The following LUZP2 variants were observed in gnomAD, a reference collection of about 807,000 sequenced individuals.
LUZP2 encodes the protein leucine zipper protein 2.
Under a neutral mutation model 51.6 loss-of-function variants are expected in LUZP2, and 52 were observed. The ratio of observed to expected loss-of-function variants is 1.01; its 90% CI spans 0.81 to 1.27. The LOEUF is 1.27. Ranked by LOEUF, LUZP2 falls within the 50% of genes most tolerant of loss-of-function variation. LUZP2 has a pLI of 0.00. For synonymous variants in LUZP2, 154 were observed against 137.3 expected (o/e 1.12, Z -0.85); for missense variants, 436 against 395.4 (o/e 1.10, Z -0.87).
chr11:24,503,609 T>A (rs1850066381), intron 1 of LUZP2, among the ~76,000 whole-genome samples: 1 of 152,180 alleles, frequency 6.6e-6, no homozygotes, highest in Non-Finnish European at 1.5e-5. Context: ...AGCCTACGAT[T>A]GGGACACATA....
chr11:24,722,777 C>T (rs982676721), intron 1 of LUZP2, among the ~76,000 whole-genome samples: 6 of 151,580 alleles, frequency 4.0e-5, no homozygotes, highest in Admixed American at 2.6e-4. Flanking sequence ...ATTAGCTGGG[C>T]GTGGGGGTGC....
At chr11:25,041,030 G>C (rs1000930421) in intron 9 of LUZP2, among the ~76,000 whole-genome samples, 2 of 152,004 alleles carry the variant, frequency 1.3e-5, no homozygotes, top group Non-Finnish European at 2.9e-5. Flanking sequence ...CTTCATTTGT[G>C]TCCTTTCTCT....
rs908399809 is a variant in LUZP2, at chr11:24,587,211, C to G, written c.62+89906C>G. 4.2e-4 allele frequency among the ~76,000 whole-genome samples: 64 copies of G among 152,030 alleles called. 1 individual carries two copies. Among genetic ancestry groups the G allele is most frequent in the Non-Finnish European group, 1.9e-4 (13 of 67,992 alleles). ...CAAATGTATTTTATCATAGCTTTGT[C>G]GTTAACAGTATACACAAAATATTTT... On this transcript the variant is annotated intron_variant, in intron 1 of 11. Transcript: ENST00000336930.
intron 10 of LUZP2, among the ~76,000 whole-genome samples, chr11:25,075,011 A>G (rs1038124745): frequency 1.3e-5 from 2 of 152,160 alleles, no homozygotes; most frequent in Non-Finnish European, 2.9e-5. Flanking sequence ...TATGAACAAC[A>G]TTTTTTGAGC....
At chr11:24,882,756 C>T (rs1224924370) in intron 5 of LUZP2, among the ~76,000 whole-genome samples, 2 of 140,000 alleles carry the variant, frequency 1.4e-5, no homozygotes, top group African/African-American at 2.5e-5. Context: ...CTAGGTAACT[C>T]ATTGCTTTTT....
At chr11:24,735,982 C>T (rs958187101) in intron 3 of LUZP2, among the ~76,000 whole-genome samples, 14 of 151,784 alleles carry the variant, frequency 9.2e-5, no homozygotes. Context: ...AAGACATAAG[C>T]CTAGAAAGAA....
chr11:24,940,736 T>A (rs1854723569), intron 7 of LUZP2, among the ~76,000 whole-genome samples: 1 of 152,132 alleles, frequency 6.6e-6, no homozygotes, highest in Admixed American at 6.5e-5. Flanking sequence ...TGCTAACCAA[T>A]TCTTTTGGGT....
chr11:25,062,587 CAAAAAAAAAAAA>C (rs1163708322), intron 10 of LUZP2, among the ~76,000 whole-genome samples: 4,914 of 43,144 alleles, frequency 0.11, 303 homozygotes, highest in African/African-American at 0.24. Flanking sequence ...AAGACCCTGT[CAAAAAAAAAAAA>C]AAAAAAAAAA....
chr11:24,700,025 T>C (rs960526292), intron 1 of LUZP2, among the ~76,000 whole-genome samples: 1 of 151,360 alleles, frequency 6.6e-6, no homozygotes, highest in Non-Finnish European at 1.5e-5. Context: ...GAAAACTCTT[T>C]TTCAGATTAC....
At chr11:24,616,794 C>T (rs72880647) in intron 1 of LUZP2, among the ~76,000 whole-genome samples, 10,487 of 152,066 alleles carry the variant, frequency 0.069, 482 homozygotes, top group Admixed American at 0.13. Flanking sequence ...ACATCTCCTG[C>T]CTTTCCATAT....
intron 9 of LUZP2, among the ~76,000 whole-genome samples, chr11:25,022,963 A>G (rs1031080944): frequency 3.9e-5 from 6 of 152,028 alleles, no homozygotes; most frequent in African/African-American, 1.4e-4. Flanking sequence ...ATTGATTTGC[A>G]TATGTTGAAC....
Position 24,606,259 on chromosome 11 carries a change from T to G in LUZP2, c.62+108954T>G, listed in dbSNP as rs1450122136. ...ATGATACTGCAAAAGCAATGCACAT[T>G]CAGTAGAAACTATACTTCAATATAG... On this transcript the variant is annotated intron_variant, in intron 1 of 11. Coordinates refer to ENST00000336930, the MANE Select transcript of LUZP2 (RefSeq NM_001009909.4). Among the ~76,000 whole-genome samples, 3 of 152,046 alleles carry G rather than the reference T, an allele frequency of 2.0e-5. No individual in the cohort carries two copies. In the East Asian group the frequency reaches 5.8e-4, roughly 29 times the overall value.
chr11:24,900,302 GT>G lies in LUZP2; in HGVS notation c.397-5684del, dbSNP rs80290978. Reference sequence around the variant, plus strand: ...TGCTTGTAAGACAGGCCTTTCTAGGGTTTTTATTAAATATCTTAGTGGTTAA... The same window carrying G: ...TGCTTGTAAGACAGGCCTTTCTAGGGTTTTATTAAATATCTTAGTGGTTAA... On this transcript the variant is annotated intron_variant, in intron 5 of 11. Transcript: ENST00000336930. Among the ~76,000 whole-genome samples, 67 of 152,208 alleles carry G rather than the reference GT, an allele frequency of 4.4e-4. No individual in the cohort carries two copies. The East Asian group carries it at 0.012, about 28-fold the overall frequency.
chr11:24,538,604 T>C (rs1322588108), intron 1 of LUZP2, among the ~76,000 whole-genome samples: 2 of 151,594 alleles, frequency 1.3e-5, no homozygotes, highest in Non-Finnish European at 3.0e-5. Flanking sequence ...TCTACAAAAC[T>C]ATTCTACAAA....
intron 1 of LUZP2, among the ~76,000 whole-genome samples, chr11:24,635,344 A>C (rs1323951696): frequency 6.6e-6 from 1 of 152,150 alleles, no homozygotes; most frequent in Non-Finnish European, 1.5e-5. Context: ...TGATAAAAAT[A>C]ATTGGCATTA....
At chr11:25,074,367 C>T (rs918391295) in intron 10 of LUZP2, among the ~76,000 whole-genome samples, 4 of 152,114 alleles carry the variant, frequency 2.6e-5, no homozygotes, top group African/African-American at 7.2e-5. Context: ...TCCACAATGC[C>T]TGTGACGCAC....
intron 10 of LUZP2, among the ~76,000 whole-genome samples, chr11:25,058,013 G>T (rs191812785): frequency 6.6e-6 from 1 of 151,734 alleles, no homozygotes. Flanking sequence ...TAGATCCAAT[G>T]CTTGGTTAAC....
intron 1 of LUZP2, among the ~76,000 whole-genome samples, chr11:24,678,085 G>GGC (rs1856626545): frequency 7.6e-6 from 1 of 132,234 alleles, no homozygotes; most frequent in South Asian, 2.9e-4. Context: ...AGGGGGGGGG[G>GGC]GGTGATTACT....
At chr11:24,988,997 G>A (rs1856259220) in intron 9 of LUZP2, among the ~76,000 whole-genome samples, 1 of 151,626 alleles carries the variant, frequency 6.6e-6, no homozygotes, top group African/African-American at 2.4e-5. Context: ...GGCAGCCATA[G>A]GAGGCCGGAA....
Sources: allele counts gnomAD v4.1 joint callset (sites outside exome capture counted in the v4.1 genomes callset), GRCh38; gene constraint gnomAD v4.1.1; transcripts MANE v1.5; gene names NCBI Gene and HGNC (gene_info 2026-07-23, HGNC 2026-07-21).